Variants in DNAAF1 observed in about 807,000 individuals in gnomAD.
DNAAF1 encodes the protein dynein axonemal assembly factor 1, also known as dynein assembly factor 1, axonemal.
DNAAF1 carries 65 observed loss-of-function variants against 71.1 expected under a neutral mutation model. The observed-to-expected ratio is 0.91, with a 90% CI of 0.75 to 1.12. DNAAF1 has a LOEUF of 1.12. Ranked by LOEUF, DNAAF1 falls within the 50% of genes most tolerant of loss-of-function variation. DNAAF1 has a pLI of 0.00. For synonymous variants in DNAAF1, 414 were observed against 354.6 expected (o/e 1.17, Z -1.88); for missense variants, 1,178 against 899.8 (o/e 1.31, Z -3.96).
intron 5 of DNAAF1, among the ~76,000 whole-genome samples, chr16:84,157,445 C>T (rs959384438): frequency 6.8e-6 from 1 of 146,566 alleles, no homozygotes; most frequent in African/African-American, 2.5e-5. Flanking sequence ...ATTGCTTGAA[C>T]CCAGGAGGCA....
At chr16:84,159,114 G>C (rs948557955) in intron 5 of DNAAF1, 84 of 992,156 alleles carry the variant, frequency 8.5e-5, no homozygotes, top group Non-Finnish European at 1.0e-4. Context: ...TGGCAGGTCG[G>C]ATTGCCGAGC....
At chr16:84,153,137 C>G (rs903797378) in intron 3 of DNAAF1, among the ~76,000 whole-genome samples, 2 of 151,802 alleles carry the variant, frequency 1.3e-5, no homozygotes, top group African/African-American at 4.8e-5. Flanking sequence ...GGTGTTGTGG[C>G]TATCTTAAAG....
chr16:84,156,804 T>TTTTTCTTTTCTTTTC (rs138914975), intron 5 of DNAAF1, among the ~76,000 whole-genome samples: 19 of 149,996 alleles, frequency 1.3e-4, no homozygotes, highest in African/African-American at 4.7e-4. Context: ...TTATTTATCA[T>TTTTTCTTTTCTTTTC]TTTTCTTTTC....
At chr16:84,156,604 G>T (rs983254765) in intron 5 of DNAAF1, among the ~76,000 whole-genome samples, 3 of 152,152 alleles carry the variant, frequency 2.0e-5, no homozygotes, top group African/African-American at 7.2e-5. Flanking sequence ...AGTTATTTTA[G>T]CAGTCACTGA....
At chr16:84,151,353 A>G (rs907430405) in intron 3 of DNAAF1, among the ~76,000 whole-genome samples, 2 of 152,160 alleles carry the variant, frequency 1.3e-5, no homozygotes, top group African/African-American at 2.4e-5. Flanking sequence ...AAAGGGATCC[A>G]GGAGCACAAA....
intron 1 of DNAAF1, among the ~76,000 whole-genome samples, chr16:84,148,596 C>CTTTTTTTTT (rs765676142): frequency 0.038 from 1,637 of 43,498 alleles, 354 homozygotes; most frequent in East Asian, 0.1. Context: ...CTCTCTCTCT[C>CTTTTTTTTT]TTTTTTTTTT....
chr16:84,164,534 A>G (rs1199443309), intron 6 of DNAAF1, among the ~76,000 whole-genome samples: 1 of 152,146 alleles, frequency 6.6e-6, no homozygotes, highest in African/African-American at 2.4e-5. Flanking sequence ...GCCTTTATGG[A>G]CTGGCTTCTT....
Position 84,165,798 on chromosome 16 carries a change from C to T in DNAAF1, c.879C>T (p.Ala293=). Reference sequence around the variant, plus strand: ...TTTTAAACAGAGCTTGTGCGGAGGCCTGGGCTAGGGGAGGGTACGCAGCTG... The same window carrying T: ...TTTTAAACAGAGCTTGTGCGGAGGCTTGGGCTAGGGGAGGGTACGCAGCTG... ...VFPKDRACAE[A]WARGGYAAEK... The change falls in exon 7 of 12, where the codon GCC becomes GCT. Residue 293 remains alanine, a synonymous_variant. Transcript: ENST00000378553. 1 of 1,613,538 alleles carries T rather than the reference C, an allele frequency of 6.2e-7. No individual in the cohort carries two copies. The highest frequency in any genetic ancestry group is 1.1e-5 in the South Asian group (1 of 91,068).
At chr16:84,151,607 C>T (rs928825591) in intron 3 of DNAAF1, among the ~76,000 whole-genome samples, 3 of 152,176 alleles carry the variant, frequency 2.0e-5, no homozygotes, top group Admixed American at 6.5e-5. Context: ...TCTATTGCTA[C>T]ATAATTAACT....
intron 10 of DNAAF1, chr16:84,175,230 G>A (rs1350091321): frequency 4.7e-6 from 1 of 212,802 alleles, no homozygotes. Context: ...ATTTTATGAT[G>A]AACCACTTGA....
chr16:84,174,147 A>G, intron 9 of DNAAF1: 2 of 994,504 alleles, frequency 2.0e-6, no homozygotes, highest in Non-Finnish European at 2.4e-6. Context: ...GTAACAACCT[A>G]GGCACCGTGG....
rs756393540 is a variant in DNAAF1, at chr16:84,177,869, G to C, written c.*28G>C. On this transcript the variant is annotated 3_prime_UTR_variant, in exon 12 of 12. Coordinates refer to ENST00000378553, the MANE Select transcript of DNAAF1 (RefSeq NM_178452.6). ...TTCCCCAGTTATATGTAGCATAAATGGTTTAATCATAAATGTCTCCCTTAG... is the reference window on the plus strand; with the variant it reads ...TTCCCCAGTTATATGTAGCATAAATCGTTTAATCATAAATGTCTCCCTTAG... The C allele has an allele frequency of 1.9e-6, 3 of 1,576,552 alleles. No individual in the cohort carries two copies. The South Asian group carries it at 3.3e-5, about 17-fold the overall frequency.
At chr16:84,160,235 C>T (rs1181148133) in intron 6 of DNAAF1, among the ~76,000 whole-genome samples, 1 of 152,120 alleles carries the variant, frequency 6.6e-6, no homozygotes, top group Admixed American at 6.6e-5. Context: ...TTTAAATTGC[C>T]ATTTTTGGAT....
intron 9 of DNAAF1, 90 bp downstream of exon 9, chr16:84,172,465 C>A: frequency 6.4e-7 from 1 of 1,552,790 alleles, no homozygotes; most frequent in Non-Finnish European, 8.7e-7. Flanking sequence ...ACCCTCGATA[C>A]CCCAAGTGTG....
intron 5 of DNAAF1, chr16:84,159,240 T>A (rs1167945996): frequency 9.4e-7 from 1 of 1,068,440 alleles, no homozygotes; most frequent in Non-Finnish European, 1.1e-6. Context: ...TCCTTTCCCT[T>A]AGTCACTGCT....
chr16:84,150,666 A>T (rs1416274202), intron 3 of DNAAF1, among the ~76,000 whole-genome samples: 2 of 146,736 alleles, frequency 1.4e-5, no homozygotes, highest in Non-Finnish European at 3.0e-5. Flanking sequence ...CCCAAGCTGA[A>T]GTGCAGTGGT....
At chr16:84,175,699 G>C in intron 10 of DNAAF1, 1 of 563,464 alleles carries the variant, frequency 1.8e-6, no homozygotes. Context: ...GTGAGGAATA[G>C]CCAGTGGCTG....
At chr16:84,149,857 T>C (rs1027304988) in intron 2 of DNAAF1, among the ~76,000 whole-genome samples, 5 of 149,638 alleles carry the variant, frequency 3.3e-5, no homozygotes, top group Non-Finnish European at 7.4e-5. Flanking sequence ...AAACCCCCCC[T>C]CTACTAAAAA....
intron 3 of DNAAF1, among the ~76,000 whole-genome samples, chr16:84,153,450 T>A (rs1434644735): frequency 6.6e-6 from 1 of 152,230 alleles, no homozygotes; most frequent in Admixed American, 6.5e-5. Flanking sequence ...TATAGGATTT[T>A]AAAAAGTCTA....
Sources: allele counts gnomAD v4.1 joint callset (sites outside exome capture counted in the v4.1 genomes callset), GRCh38; gene constraint gnomAD v4.1.1; transcripts MANE v1.5; gene names NCBI Gene and HGNC (gene_info 2026-07-23, HGNC 2026-07-21).